The following SP110 variants were observed in gnomAD, a reference collection of about 807,000 sequenced individuals.
SP110 encodes SP110 nuclear body protein.
Under a neutral mutation model 92.7 loss-of-function variants are expected in SP110, and 62 were observed. That is an observed-to-expected ratio of 0.67 (90% CI 0.55 to 0.83). The LOEUF (loss-of-function observed/expected upper bound fraction) is 0.83. SP110 is among the 40% of genes least tolerant of loss of function. The pLI, the probability that SP110 is intolerant of heterozygous loss-of-function variation, is 0.00. For synonymous variants in SP110, 273 were observed against 305.3 expected, an observed-to-expected ratio of 0.89 and a Z score of 1.10; for missense variants, 793 against 863.9, an observed-to-expected ratio of 0.92 and a Z score of 1.03.
chr2:230,212,727 G>T (rs41309092), intron 4 of SP110, 34 bp downstream of exon 4: 1 of 1,612,818 alleles, frequency 6.2e-7, no homozygotes, highest in Non-Finnish European at 8.5e-7. Flanking sequence ...TTAGGCTGAG[G>T]ATATACAGGT....
chr2:230,170,589 G>T lies in SP110; in HGVS notation c.2028+32C>A, dbSNP rs2303541. The T allele has an allele frequency of 1.1e-3, 1,832 of 1,613,704 alleles. 32 individuals are homozygous for T. In the East Asian group the frequency reaches 0.03, roughly 26 times the overall value. On this transcript the variant is annotated intron_variant, in intron 18 of 18. Transcript: ENST00000258381. Reference sequence around the variant, plus strand: ...CCAGAAATTAGGGGAAAGTAGAAAAGACGCAAAAAGGAAGCAGGAAATGCT... The same window carrying T: ...CCAGAAATTAGGGGAAAGTAGAAAATACGCAAAAAGGAAGCAGGAAATGCT...
At chr2:230,187,725 C>T (rs890262481) in intron 10 of SP110, among the ~76,000 whole-genome samples, 1 of 152,078 alleles carries the variant, frequency 6.6e-6, no homozygotes, top group Non-Finnish European at 1.5e-5. Context: ...ACCAGTTTTC[C>T]CAGCACCATT....
At position 230,165,683 on chromosome 2, in the gene SP110, A is replaced by T. The variant is rs1208368845; in HGVS notation, c.*3441T>A. 1.3e-5 allele frequency among the ~76,000 whole-genome samples: 2 copies of T among 152,184 alleles called. No individual in the cohort carries two copies. The highest frequency in any genetic ancestry group is 4.8e-5 in the African/African-American group (2 of 41,448). ...AAGTGATAAACGCATTGCCTTAAGT[A>T]TGTGACACATTACAGATATTTTATT... On this transcript the variant is annotated 3_prime_UTR_variant, in exon 19 of 19. Transcript: ENST00000258381.
intron 1 of SP110, 140 bp from the exon 2 acceptor site, chr2:230,217,068 A>G (rs1315691615): frequency 7.7e-6 from 5 of 650,008 alleles, no homozygotes; most frequent in East Asian, 6.0e-5. Flanking sequence ...CAACATGGTG[A>G]AACTCTGTCT....
intron 7 of SP110, 139 bp downstream of exon 7, chr2:230,209,792 T>A: frequency 1.4e-6 from 1 of 710,926 alleles, no homozygotes; most frequent in South Asian, 1.5e-5. Context: ...ATGCAGCAAA[T>A]GGAAACTGCA....
chr2:230,208,452 T>C (rs1190293051), intron 7 of SP110, among the ~76,000 whole-genome samples: 3 of 152,158 alleles, frequency 2.0e-5, no homozygotes, highest in Non-Finnish European at 4.4e-5. Context: ...ATGGATACTA[T>C]AAGATGAGGC....
intron 14 of SP110, chr2:230,173,370 T>A (rs1178322396): frequency 1.9e-5 from 5 of 264,964 alleles, no homozygotes; most frequent in Non-Finnish European, 3.8e-5. Context: ...GTATGGGAAC[T>A]GTTGTTCCTG....
intron 10 of SP110, among the ~76,000 whole-genome samples, chr2:230,188,623 T>C (rs1295751708): frequency 1.3e-5 from 2 of 152,236 alleles, no homozygotes; most frequent in Admixed American, 6.5e-5. Context: ...GGCTGTGGGT[T>C]TGTCATATAT....
chr2:230,185,333 G>A (rs949847101), intron 11 of SP110, among the ~76,000 whole-genome samples: 2 of 152,150 alleles, frequency 1.3e-5, no homozygotes, highest in Non-Finnish European at 2.9e-5. Flanking sequence ...GAGGAGGTGG[G>A]GCACTGGAAC....
At chr2:230,195,768 T>A (rs1432892445) in intron 10 of SP110, among the ~76,000 whole-genome samples, 1 of 151,904 alleles carries the variant, frequency 6.6e-6, no homozygotes, top group Non-Finnish European at 1.5e-5. Flanking sequence ...GTTTAAAAAA[T>A]TAAAAATATA....
chr2:230,219,489 C>T (rs1009777942), intron 1 of SP110: 2 of 152,172 alleles, frequency 1.3e-5, no homozygotes, highest in South Asian at 2.1e-4. Context: ...ATAAAAAGTT[C>T]ATGATACACT....
chr2:230,202,745 CTTG>C lies in SP110; in HGVS notation c.899-20_899-18del. 6.2e-7 allele frequency: 1 copy of C among 1,613,998 alleles called. No homozygotes were observed. On this transcript the variant is annotated intron_variant, in intron 8 of 18. Coordinates refer to ENST00000258381, the MANE Select transcript of SP110 (RefSeq NM_080424.4). ...AGGCTGTCCCTGGACCAAATAATGA[CTTG>C]TTAATAGTTTAAATTGGGGTCTTCA... is the stretch of plus-strand genomic sequence containing the variant.
At chr2:230,171,636 A>T in intron 17 of SP110, 60 bp downstream of exon 17, 7 of 1,301,244 alleles carry the variant, frequency 5.4e-6, no homozygotes, top group Non-Finnish European at 7.8e-6. Context: ...CACCTGCCAG[A>T]TCAGCCCCCA....
At chr2:230,224,776 A>G (rs138689130), upstream of SP110, among the ~76,000 whole-genome samples, 3 of 152,278 alleles carry the variant, frequency 2.0e-5, no homozygotes, top group Admixed American at 6.5e-5. Context: ...TGGCTTTTCA[A>G]TCCTCACTAC....
chr2:230,168,462 T>C lies in SP110; in HGVS notation c.*662A>G, dbSNP rs2078347868. On this transcript the variant is annotated 3_prime_UTR_variant, in exon 19 of 19. Coordinates refer to ENST00000258381, the MANE Select transcript of SP110 (RefSeq NM_080424.4). Reference sequence around the variant, plus strand: ...TCTGATGATATCACGGATTTAGGTATTGCTAAAACCATCAGGTGATAGATG... The same window carrying C: ...TCTGATGATATCACGGATTTAGGTACTGCTAAAACCATCAGGTGATAGATG... 6.6e-6 allele frequency: 1 copy of C among 152,148 alleles called. No individual in the cohort carries two copies. The highest frequency in any genetic ancestry group is 1.5e-5 in the Non-Finnish European group (1 of 68,022). 9.4% of individuals were successfully genotyped at this position (152,148 alleles called of 1,614,324 possible).
chr2:230,200,354 A>G (rs2043074982), intron 10 of SP110: 1 of 158,490 alleles, frequency 6.3e-6, no homozygotes, highest in Non-Finnish European at 1.4e-5. Context: ...GTGAATTAAC[A>G]TGCACAATTT....
At chr2:230,176,586 C>G in intron 14 of SP110, 1 of 1,612,092 alleles carries the variant, frequency 6.2e-7, no homozygotes, top group Non-Finnish European at 8.5e-7. Context: ...TGACTCAGAG[C>G]TTGGAAACTC....
intron 12 of SP110, among the ~76,000 whole-genome samples, chr2:230,181,859 G>C (rs934966032): frequency 2.0e-5 from 3 of 152,214 alleles, no homozygotes; most frequent in Non-Finnish European, 4.4e-5. Flanking sequence ...TGGTGGGAAT[G>C]TAAATTAGTT....
intron 8 of SP110, among the ~76,000 whole-genome samples, chr2:230,205,496 T>C (rs1030105502): frequency 2.6e-5 from 4 of 152,192 alleles, no homozygotes; most frequent in African/African-American, 4.8e-5. Context: ...AATTATCTTG[T>C]TTATGTGCTT....
Sources: gnomAD v4.1 joint callset for allele counts (sites outside exome capture counted in the v4.1 genomes callset) on GRCh38, gnomAD v4.1.1 for gene constraint, MANE v1.5 for transcripts, NCBI Gene and HGNC (gene_info 2026-07-23, HGNC 2026-07-21) for gene names.